ROBO2: variants seen among roughly 807,000 people sequenced by gnomAD.
The protein encoded by ROBO2 is roundabout guidance receptor 2.
In ROBO2, 53 loss-of-function variants were observed where a neutral mutation model predicts 160.8. The ratio of observed to expected loss-of-function variants is 0.33; its 90% CI spans 0.26 to 0.41. The LOEUF is 0.41. ROBO2 is among the 10% of genes least tolerant of loss of function. The pLI is 1.00. For missense variants in ROBO2, 1,577 were observed against 1,722.4 expected, an observed-to-expected ratio of 0.92 and a Z score of 1.49; for synonymous variants, 664 against 611.7, an observed-to-expected ratio of 1.09 and a Z score of -1.26.
intron 2 of ROBO2, among the ~76,000 whole-genome samples, chr3:76,017,450 C>T (rs1474859469): frequency 4.6e-5 from 7 of 151,992 alleles, no homozygotes; most frequent in African/African-American, 4.8e-5. Context: ...TTATGATGAG[C>T]GCACCTAAAG....
At position 76,137,193 on chromosome 3, in the gene ROBO2, A is replaced by G. The variant is rs116321066; in HGVS notation, c.109+199591A>G. On this transcript the variant is annotated intron_variant, in intron 2 of 26. Transcript: ENST00000487694. ...ATGGCTACTGTCCATTTACCCTGAG[A>G]TAACTTTGCCAGGAAATATCTCACT... Among the ~76,000 whole-genome samples the G allele has an allele frequency of 7.8e-3, 1,186 of 152,080 alleles. 13 individuals carry two copies. Among genetic ancestry groups the G allele is most frequent in the African/African-American group, 0.028 (1,153 of 41,538 alleles).
At chr3:76,028,250 A>G (rs2066806873) in intron 2 of ROBO2, among the ~76,000 whole-genome samples, 1 of 20,270 alleles carries the variant, frequency 4.9e-5, no homozygotes, top group Non-Finnish European at 5.5e-4. Context: ...CTGATAGAGC[A>G]AATATGAGAG....
At chr3:76,521,840 A>C (rs771141106) in intron 2 of ROBO2, among the ~76,000 whole-genome samples, 2 of 152,200 alleles carry the variant, frequency 1.3e-5, no homozygotes, top group African/African-American at 2.4e-5. Flanking sequence ...TTTGTATATT[A>C]AATATAACTC....
intron 2 of ROBO2, among the ~76,000 whole-genome samples, chr3:76,506,102 C>T (rs966985555): frequency 4.6e-5 from 7 of 152,168 alleles, no homozygotes; most frequent in Admixed American, 1.3e-4. Flanking sequence ...GCTCTGCCAG[C>T]GTCTCTGTCT....
chr3:76,874,138 G>T (rs2072448647), intron 2 of ROBO2, among the ~76,000 whole-genome samples: 1 of 151,958 alleles, frequency 6.6e-6, no homozygotes, highest in South Asian at 2.1e-4. Context: ...AGGAATTTAA[G>T]TGCCATTAGG....
At chr3:76,589,922 C>T (rs1404920254) in intron 2 of ROBO2, among the ~76,000 whole-genome samples, 1 of 152,042 alleles carries the variant, frequency 6.6e-6, no homozygotes, top group Admixed American at 6.6e-5. Flanking sequence ...ATTAATTTGA[C>T]TAAAGAATTT....
At chr3:75,986,039 A>G (rs1043233432) in intron 2 of ROBO2, among the ~76,000 whole-genome samples, 1 of 151,512 alleles carries the variant, frequency 6.6e-6, no homozygotes, top group Non-Finnish European at 1.5e-5. Context: ...CTTGCTTTAA[A>G]TTCTCTTGGG....
At chr3:76,435,012 T>A (rs1390736089) in intron 2 of ROBO2, 1 of 1,465,370 alleles carries the variant, frequency 6.8e-7, no homozygotes, top group African/African-American at 1.4e-5. Flanking sequence ...GGAAAATGTT[T>A]CCAACCTGGT....
chr3:76,674,549 G>A (rs915328299), intron 2 of ROBO2, among the ~76,000 whole-genome samples: 1 of 150,968 alleles, frequency 6.6e-6, no homozygotes. Flanking sequence ...TAGAAAGTGA[G>A]AATTTTCTAA....
chr3:76,762,196 C>G (rs1159606039), intron 2 of ROBO2, among the ~76,000 whole-genome samples: 1 of 151,304 alleles, frequency 6.6e-6, no homozygotes, highest in African/African-American at 2.4e-5. Context: ...ATTCTAAAAC[C>G]TCTTTTAAAG....
chr3:77,300,573 T>TA (rs201528213), intron 2 of ROBO2, among the ~76,000 whole-genome samples: 24 of 150,088 alleles, frequency 1.6e-4, no homozygotes, highest in Admixed American at 2.7e-4. Flanking sequence ...AGACTAAATT[T>TA]AAAAAAAAAA....
intron 2 of ROBO2, among the ~76,000 whole-genome samples, chr3:76,671,045 C>T (rs1219609099): frequency 1.3e-5 from 2 of 151,616 alleles, no homozygotes; most frequent in Admixed American, 6.6e-5. Flanking sequence ...GAGAAATTAG[C>T]AACAAATAAA....
At chr3:76,545,781 A>T (rs1017644941) in intron 2 of ROBO2, among the ~76,000 whole-genome samples, 1 of 151,726 alleles carries the variant, frequency 6.6e-6, no homozygotes, top group African/African-American at 2.4e-5. Context: ...TTTATTCTAA[A>T]TTTTTTCTTT....
rs77575746 is a variant in ROBO2, at chr3:76,064,887, C to T, written c.109+127285C>T. 7.0e-3 allele frequency among the ~76,000 whole-genome samples: 1,060 copies of T among 152,034 alleles called. 65 individuals are homozygous for T. The East Asian group carries it at 0.15, about 22-fold the overall frequency. On this transcript the variant is annotated intron_variant, in intron 2 of 26. Coordinates refer to the ROBO2 transcript ENST00000487694. ...TTTTCAAATTTTATTTCAAATGTGCCGTGCTGCCATAAAAGAAAGGTATGA... is the reference window on the plus strand; with the variant it reads ...TTTTCAAATTTTATTTCAAATGTGCTGTGCTGCCATAAAAGAAAGGTATGA...
intron 2 of ROBO2, among the ~76,000 whole-genome samples, chr3:75,945,030 G>C (rs992615208): frequency 1.3e-5 from 2 of 152,050 alleles, no homozygotes; most frequent in African/African-American, 4.8e-5. Flanking sequence ...ATGCTGGTTT[G>C]TGTCTTTATT....
chr3:76,643,393 T>G (rs916203324), intron 2 of ROBO2, among the ~76,000 whole-genome samples: 5 of 152,158 alleles, frequency 3.3e-5, no homozygotes, highest in African/African-American at 1.2e-4. Context: ...TCTCTGAGAT[T>G]ACAGTTTTTT....
intron 2 of ROBO2, among the ~76,000 whole-genome samples, chr3:75,995,133 G>A (rs1576416325): frequency 6.6e-6 from 1 of 152,172 alleles, no homozygotes; most frequent in Admixed American, 6.5e-5. Flanking sequence ...GCCTGCTGCA[G>A]AAATTTGCAT....
chr3:76,646,981 G>C (rs148878163), intron 2 of ROBO2, among the ~76,000 whole-genome samples: 160 of 152,258 alleles, frequency 1.1e-3, no homozygotes, highest in Non-Finnish European at 2.0e-3. Context: ...TTAAGACTTA[G>C]AAGCCTGGAA....
intron 2 of ROBO2, among the ~76,000 whole-genome samples, chr3:77,318,277 G>A (rs753013379): frequency 6.6e-6 from 1 of 152,022 alleles, no homozygotes; most frequent in East Asian, 1.9e-4. Context: ...CGGGCGATCC[G>A]CCCACCTCAG....
Sources: gnomAD v4.1 joint callset for allele counts (sites outside exome capture counted in the v4.1 genomes callset) on GRCh38, gnomAD v4.1.1 for gene constraint, MANE v1.5 for transcripts, NCBI Gene and HGNC (gene_info 2026-07-23, HGNC 2026-07-21) for gene names.